RPS6KC1: variants seen among roughly 807,000 people sequenced by gnomAD.
The protein encoded by RPS6KC1 is inactive ribosomal protein S6 kinase delta-1.
A neutral mutation model predicts 103.8 loss-of-function variants in RPS6KC1; 54 were observed. The observed-to-expected ratio is 0.52, with a 90% CI of 0.42 to 0.65. RPS6KC1 has a LOEUF of 0.65. RPS6KC1 is among the 30% of genes least tolerant of loss of function. The pLI, the probability that RPS6KC1 is intolerant of heterozygous loss-of-function variation, is 0.00. For missense variants in RPS6KC1, 1,151 were observed against 1,253.8 expected (o/e 0.92, Z 1.24); for synonymous variants, 439 against 438.7 (o/e 1.00, Z -0.01).
the RPS6KC1 span, among the ~76,000 whole-genome samples, chr1:213,693,958 CCT>C: frequency 2.0e-5 from 3 of 152,230 alleles, no homozygotes; most frequent in Admixed American, 2.0e-4. Context: ...CATCCCTCAC[CCT>C]GGCCCTCGGT....
the RPS6KC1 span, among the ~76,000 whole-genome samples, chr1:213,693,353 G>T: frequency 2.6e-4 from 40 of 152,258 alleles, no homozygotes; most frequent in Middle Eastern, 3.4e-3. Context: ...CTGAGCTATG[G>T]CTCACCCTGT....
the RPS6KC1 span, among the ~76,000 whole-genome samples, chr1:213,510,402 T>A: frequency 6.6e-6 from 1 of 152,234 alleles, no homozygotes; most frequent in African/African-American, 2.4e-5. Flanking sequence ...ACTGTGTAGT[T>A]TGTTTTTGTT....
intron 3 of RPS6KC1, among the ~76,000 whole-genome samples, chr1:213,084,655 G>A (rs73086346): frequency 0.036 from 5,521 of 152,122 alleles, 307 homozygotes; most frequent in African/African-American, 0.13. Flanking sequence ...TCTTCTCTCT[G>A]GGATAGGATC....
chr1:213,302,741 A>G, the RPS6KC1 span, among the ~76,000 whole-genome samples: 5 of 152,314 alleles, frequency 3.3e-5, no homozygotes, highest in African/African-American at 1.2e-4. Flanking sequence ...CCTTACAGAC[A>G]TGTGTCACTC....
the RPS6KC1 span, among the ~76,000 whole-genome samples, chr1:213,571,520 G>A: frequency 5.3e-5 from 8 of 152,130 alleles, 1 homozygote; most frequent in African/African-American, 1.7e-4. Context: ...GGAAAGAAGG[G>A]GCCTCAGAGA....
the RPS6KC1 span, among the ~76,000 whole-genome samples, chr1:213,853,688 A>T: frequency 6.6e-6 from 1 of 152,192 alleles, no homozygotes; most frequent in Admixed American, 6.5e-5. Flanking sequence ...AATTCAAGGG[A>T]ACCATAATTA....
At chr1:213,778,078 C>T in the RPS6KC1 span, among the ~76,000 whole-genome samples, 12 of 152,164 alleles carry the variant, frequency 7.9e-5, no homozygotes, top group Non-Finnish European at 1.2e-4. Context: ...AATCATAACA[C>T]GATGCCACAG....
the RPS6KC1 span, among the ~76,000 whole-genome samples, chr1:213,778,492 T>C: frequency 3.2e-4 from 48 of 152,288 alleles, no homozygotes; most frequent in African/African-American, 1.0e-3. Context: ...AAAATTGGAT[T>C]GAATCAAGAT....
chr1:213,698,475 G>A, the RPS6KC1 span, among the ~76,000 whole-genome samples: 1 of 152,150 alleles, frequency 6.6e-6, no homozygotes, highest in Non-Finnish European at 1.5e-5. Flanking sequence ...GGGATTGAAT[G>A]TTACTGTAGA....
chr1:213,235,323 T>C (rs2094198511), intron 10 of RPS6KC1, among the ~76,000 whole-genome samples: 1 of 152,186 alleles, frequency 6.6e-6, no homozygotes, highest in South Asian at 2.1e-4. Context: ...ACAGAAGACT[T>C]TGCCTGCATG....
chr1:213,545,180 T>G, the RPS6KC1 span, among the ~76,000 whole-genome samples: 1 of 151,894 alleles, frequency 6.6e-6, no homozygotes, highest in Admixed American at 6.6e-5. Flanking sequence ...AGCCTGGCCA[T>G]CATGGCGAAA....
intron 8 of RPS6KC1, among the ~76,000 whole-genome samples, chr1:213,222,677 T>G (rs2093865253): frequency 6.6e-6 from 1 of 152,170 alleles, no homozygotes; most frequent in Non-Finnish European, 1.5e-5. Flanking sequence ...GTAGTTGAAT[T>G]TTTATAAAGA....
At chr1:213,548,489 C>T in the RPS6KC1 span, among the ~76,000 whole-genome samples, 6 of 152,060 alleles carry the variant, frequency 3.9e-5, no homozygotes, top group Non-Finnish European at 8.8e-5. Flanking sequence ...GGTGAAACCC[C>T]ATCTCTACTA....
chr1:213,178,046 A>AGAAAAAGCTGGGCAT (rs2091994559), intron 8 of RPS6KC1, among the ~76,000 whole-genome samples: 1 of 151,302 alleles, frequency 6.6e-6, no homozygotes, highest in Admixed American at 6.6e-5. Flanking sequence ...CTACAAAAAA[A>AGAAAAAGCTGGGCAT]GAAAAAGCTG....
the RPS6KC1 span, among the ~76,000 whole-genome samples, chr1:213,703,943 T>A: frequency 6.6e-6 from 1 of 152,296 alleles, no homozygotes; most frequent in East Asian, 1.9e-4. Context: ...TATCTCCTCT[T>A]TAAGACCAGT....
At chr1:213,147,801 A>G (rs1237944743) in intron 6 of RPS6KC1, among the ~76,000 whole-genome samples, 2 of 152,194 alleles carry the variant, frequency 1.3e-5, no homozygotes, top group African/African-American at 4.8e-5. Context: ...GGACATTTTA[A>G]CAATATTGAT....
chr1:213,706,070 G>A, the RPS6KC1 span, among the ~76,000 whole-genome samples: 2 of 152,146 alleles, frequency 1.3e-5, no homozygotes, highest in Non-Finnish European at 2.9e-5. Context: ...AATGATGCAA[G>A]CACTTCCTTA....
At chr1:213,794,718 G>A in the RPS6KC1 span, 1 of 152,312 alleles carries the variant, frequency 6.6e-6, no homozygotes, top group Non-Finnish European at 1.5e-5. Context: ...TTCAGCACAT[G>A]GAAGACGGAG....
the RPS6KC1 span, among the ~76,000 whole-genome samples, chr1:213,436,781 C>A: frequency 6.6e-6 from 1 of 152,078 alleles, no homozygotes; most frequent in East Asian, 1.9e-4. Context: ...TCATAAATAA[C>A]ATAATTTTCA....
Sources: gnomAD v4.1 joint callset for allele counts (sites outside exome capture counted in the v4.1 genomes callset) on GRCh38, gnomAD v4.1.1 for gene constraint, MANE v1.5 for transcripts, NCBI Gene and HGNC (gene_info 2026-07-23, HGNC 2026-07-21) for gene names.